Variants in SPTLC3 observed in about 807,000 individuals in gnomAD.
The protein encoded by SPTLC3 is serine palmitoyltransferase long chain base subunit 3, also known as serine palmitoyltransferase 3.
In SPTLC3, 36 loss-of-function variants were observed where a neutral mutation model predicts 59.3. That is an observed-to-expected ratio of 0.61 (90% CI 0.47 to 0.80). The LOEUF (loss-of-function observed/expected upper bound fraction) is 0.80, where lower values mean the gene tolerates loss of function less well. Ranked by LOEUF, SPTLC3 falls within the 30% of genes least tolerant of loss-of-function variation. The pLI is 0.00. For missense variants in SPTLC3, 625 were observed against 685.1 expected (o/e 0.91, Z 0.98); for synonymous variants, 257 against 240.8 (o/e 1.07, Z -0.62).
intron 1 of SPTLC3, among the ~76,000 whole-genome samples, chr20:13,032,025 A>G (rs894687527): frequency 1.3e-5 from 2 of 152,314 alleles, no homozygotes; most frequent in South Asian, 4.1e-4. Flanking sequence ...CATGTAAGTA[A>G]ATAAGAGCAT....
intron 7 of SPTLC3, among the ~76,000 whole-genome samples, chr20:13,111,351 C>A (rs1338708318): frequency 6.6e-6 from 1 of 152,258 alleles, no homozygotes; most frequent in East Asian, 1.9e-4. Context: ...GTGAGCTTGT[C>A]CTTGCCCCAG....
chr20:13,014,786 A>AT (rs201740270), intron 1 of SPTLC3, among the ~76,000 whole-genome samples: 4 of 126,468 alleles, frequency 3.2e-5, no homozygotes, highest in Admixed American at 8.0e-5. Flanking sequence ...AGCTGTCTAA[A>AT]TTTAAAAAAA....
chr20:13,097,535 C>G (rs1001979013), intron 6 of SPTLC3, among the ~76,000 whole-genome samples: 1 of 152,086 alleles, frequency 6.6e-6, no homozygotes, highest in East Asian at 1.9e-4. Context: ...GCAGTGTTCT[C>G]TTAGAATTTC....
At chr20:13,081,970 C>T (rs1004855693) in intron 4 of SPTLC3, among the ~76,000 whole-genome samples, 1 of 152,116 alleles carries the variant, frequency 6.6e-6, no homozygotes, top group African/African-American at 2.4e-5. Context: ...AGAGTTCTGA[C>T]AACATAATTG....
At chr20:13,090,559 A>T (rs1418941905) in intron 4 of SPTLC3, among the ~76,000 whole-genome samples, 1 of 152,202 alleles carries the variant, frequency 6.6e-6, no homozygotes, top group East Asian at 1.9e-4. Flanking sequence ...CATTTACAGC[A>T]TGGTGAAAAG....
At chr20:13,086,102 G>T (rs145763583) in intron 4 of SPTLC3, among the ~76,000 whole-genome samples, 1 of 152,058 alleles carries the variant, frequency 6.6e-6, no homozygotes, top group Admixed American at 6.5e-5. Context: ...TTATAACTAC[G>T]CTTTCTTAGG....
At chr20:13,065,209 AC>A (rs941113078) in intron 2 of SPTLC3, among the ~76,000 whole-genome samples, 8 of 150,818 alleles carry the variant, frequency 5.3e-5, no homozygotes, top group Non-Finnish European at 1.2e-4. Context: ...TCTCTACTGA[AC>A]TTTTTAAAAT....
rs759870987 is a variant in SPTLC3 at position 13,126,676 on chromosome 20, G to C, written c.1238G>C (p.Arg413Thr). ...MSPPIAEQII[R>T]SLKLIMGLDG... ...CCACCGATAGCAGAGCAAATCATCA[G>C]ATCACTAAAACTTATCATGGGACTG... is the stretch of plus-strand genomic sequence containing the variant. Residue 413 changes from arginine to threonine, a missense_variant, in exon 9 of 12, where the codon AGA (arginine) becomes ACA (threonine). Arg to Thr is a moderately conservative substitution (Grantham distance 71, BLOSUM62 -1). Coordinates refer to ENST00000399002, the MANE Select transcript of SPTLC3 (RefSeq NM_018327.4). 39 of 1,613,910 alleles carry C rather than the reference G, an allele frequency of 2.4e-5. No individual in the cohort carries two copies. Among genetic ancestry groups the C allele is most frequent in the Non-Finnish European group, 3.2e-5 (38 of 1,179,956 alleles).
intron 11 of SPTLC3, chr20:13,164,267 G>A (rs942245859): frequency 8.8e-6 from 4 of 456,228 alleles, no homozygotes; most frequent in Admixed American, 2.5e-5. Flanking sequence ...ACAGAGATGA[G>A]TATTTAAAAG....
intron 1 of SPTLC3, 68 bp downstream of exon 1, chr20:13,009,452 T>A: frequency 7.2e-7 from 1 of 1,384,820 alleles, no homozygotes; most frequent in South Asian, 1.2e-5. Context: ...TGTGAAGATA[T>A]TTGAGGCTGT....
intron 2 of SPTLC3, among the ~76,000 whole-genome samples, chr20:13,063,946 G>T (rs1395863020): frequency 1.3e-5 from 2 of 152,032 alleles, no homozygotes; most frequent in African/African-American, 2.4e-5. Flanking sequence ...ATGAGCCACT[G>T]CACCTGATCA....
At chr20:13,051,346 C>T (rs1987482413) in intron 2 of SPTLC3, among the ~76,000 whole-genome samples, 1 of 152,178 alleles carries the variant, frequency 6.6e-6, no homozygotes, top group African/African-American at 2.4e-5. Context: ...CAAAGAGGGA[C>T]ATTATGTAAT....
intron 2 of SPTLC3, among the ~76,000 whole-genome samples, chr20:13,061,492 C>A (rs1192538732): frequency 3.9e-5 from 6 of 152,142 alleles, no homozygotes; most frequent in African/African-American, 1.2e-4. Flanking sequence ...CACCTGTGCG[C>A]TAGCTCACAG....
intron 2 of SPTLC3, among the ~76,000 whole-genome samples, chr20:13,064,401 C>A (rs923487772): frequency 7.9e-5 from 12 of 151,904 alleles, no homozygotes; most frequent in African/African-American, 2.7e-4. Flanking sequence ...TGGAACGATT[C>A]TCCTGCCTCA....
intron 9 of SPTLC3, among the ~76,000 whole-genome samples, chr20:13,128,910 C>T (rs1349553801): frequency 7.2e-6 from 1 of 138,582 alleles, no homozygotes; most frequent in Non-Finnish European, 1.5e-5. Context: ...GAGTTTCGCT[C>T]TTGTCACCCA....
chr20:13,073,775 G>A (rs1988534097), intron 3 of SPTLC3: 2 of 592,736 alleles, frequency 3.4e-6, no homozygotes, highest in Middle Eastern at 3.3e-4. Context: ...AAAGAGGGCA[G>A]CCAGCCTGCA....
At position 13,071,814 on chromosome 20, in the gene SPTLC3, C is replaced by T. The variant is rs145577705; in HGVS notation, c.304-442C>T. On this transcript the variant is annotated intron_variant, in intron 2 of 11. Transcript: ENST00000399002. ...ATTGGCCATGTAACAGCTAGCCACC[C>T]TCGAGTAGCAGTTTTGCCAGCAGGT... is the stretch of plus-strand genomic sequence containing the variant. Among the ~76,000 whole-genome samples, 6 of 152,302 alleles carry T rather than the reference C, an allele frequency of 3.9e-5. No individual in the cohort carries two copies. The East Asian group carries it at 1.2e-3, about 29-fold the overall frequency.
intron 3 of SPTLC3, 34 bp from the exon 4 acceptor site, chr20:13,074,315 G>A (rs1417168965): frequency 6.2e-7 from 1 of 1,609,010 alleles, no homozygotes; most frequent in Admixed American, 1.7e-5. Context: ...TCCTGGGGAG[G>A]GGATTATGTG....
chr20:13,142,349 G>A (rs1048358164), intron 9 of SPTLC3, among the ~76,000 whole-genome samples: 1 of 152,204 alleles, frequency 6.6e-6, no homozygotes, highest in Non-Finnish European at 1.5e-5. Context: ...TGAGATGGGG[G>A]AGTGGTGATG....
Sources: gnomAD v4.1 joint callset for allele counts (sites outside exome capture counted in the v4.1 genomes callset) on GRCh38, gnomAD v4.1.1 for gene constraint, MANE v1.5 for transcripts, NCBI Gene and HGNC (gene_info 2026-07-23, HGNC 2026-07-21) for gene names.